FSTL1: variants seen among roughly 807,000 people sequenced by gnomAD.
FSTL1 encodes the protein follistatin-related protein 1.
In FSTL1, 24 loss-of-function variants were observed where a neutral mutation model predicts 45.9. The observed-to-expected ratio is 0.52, with a 90% CI of 0.38 to 0.74. The LOEUF (loss-of-function observed/expected upper bound fraction) is 0.74. Among genes scored for constraint, FSTL1 ranks in the 30% least tolerant of loss-of-function variants. The pLI, the probability that FSTL1 is intolerant of heterozygous loss-of-function variation, is 0.00. For synonymous variants in FSTL1, 120 were observed against 137.6 expected (o/e 0.87, Z 0.89); for missense variants, 340 against 381.8 (o/e 0.89, Z 0.91).
At chr3:120,403,696 G>A (rs960121145) in intron 7 of FSTL1, among the ~76,000 whole-genome samples, 8 of 151,822 alleles carry the variant, frequency 5.3e-5, no homozygotes, top group African/African-American at 9.7e-5. Flanking sequence ...GTATATACAC[G>A]TCAAGTCAAC....
intron 9 of FSTL1, 41 bp from the exon 10 acceptor site, chr3:120,400,000 T>C: frequency 1.4e-6 from 2 of 1,387,806 alleles, no homozygotes; most frequent in Non-Finnish European, 2.0e-6. Context: ...GCAGCTGTGG[T>C]AAGCCAGTGA....
At position 120,394,599 on chromosome 3, in the gene FSTL1, C is replaced by T. The variant is rs1004250126; in HGVS notation, c.*2353G>A. 6.6e-6 allele frequency: 1 copy of T among 152,140 alleles called. No individual in the cohort carries two copies. The highest frequency in any genetic ancestry group is 6.5e-5 in the Admixed American group (1 of 15,274). The allele number at this position is 152,140 out of a possible 1,614,324, so 9.4% of individuals were successfully genotyped here. On this transcript the variant is annotated 3_prime_UTR_variant, in exon 11 of 11. Transcript: ENST00000295633. ...ATCTTAACAGATGCTATAGTGTTTACAAAACTACACACACAGAGAAAGCCC... is the reference window on the plus strand; with the variant it reads ...ATCTTAACAGATGCTATAGTGTTTATAAAACTACACACACAGAGAAAGCCC...
chr3:120,447,567 A>C (rs958525331), intron 2 of FSTL1, among the ~76,000 whole-genome samples: 3 of 152,202 alleles, frequency 2.0e-5, no homozygotes, highest in African/African-American at 7.2e-5. Flanking sequence ...GAGAAGAAGC[A>C]ATCAGAAAGC....
At chr3:120,433,188 G>C (rs1045797509) in intron 2 of FSTL1, among the ~76,000 whole-genome samples, 1 of 152,172 alleles carries the variant, frequency 6.6e-6, no homozygotes, top group African/African-American at 2.4e-5. Context: ...TAAAATTGCT[G>C]ATCATGGAAG....
At chr3:120,412,834 G>GCACACACA (rs1314293203) in intron 3 of FSTL1, among the ~76,000 whole-genome samples, 49 of 77,534 alleles carry the variant, frequency 6.3e-4, no homozygotes, top group East Asian at 1.1e-3. Flanking sequence ...GCGCGCGCGC[G>GCACACACA]CGCGCACACA....
Position 120,396,873 on chromosome 3 carries a change from A to C in FSTL1, c.*79T>G. On this transcript the variant is annotated 3_prime_UTR_variant, in exon 11 of 11. Transcript: ENST00000295633. ...CAAATACTGGTGATTTGGCGACTGT[A>C]GCAGACACTTGTGTATACTGAACTC... 2.1e-6 allele frequency: 2 copies of C among 973,864 alleles called. No homozygotes were observed. Among genetic ancestry groups the C allele is most frequent in the East Asian group, 2.4e-5 (1 of 41,976 alleles). The allele number at this position is 973,864 out of a possible 1,614,324, so 60.3% of individuals were successfully genotyped here. A position where few individuals can be genotyped will look rare whatever the true frequency, so the allele number is the denominator to read the frequency against.
rs1936784828 is a variant in FSTL1 at position 120,399,895 on chromosome 3, G to C, written c.870C>G (p.Leu290=). 2.5e-6 allele frequency: 4 copies of C among 1,605,020 alleles called. No homozygotes were observed. Among genetic ancestry groups the C allele is most frequent in the Non-Finnish European group, 3.4e-6 (4 of 1,174,972 alleles). ...GGCTGCCACTCACCTGATGCTTTTG[G>C]AGCTCCTGGACATATCTGGTCATCT... ...EEEMTRYVQE[L]QKHQETAEKT... The change falls in exon 10 of 11, where the codon CTC becomes CTG. Residue 290 remains leucine (L), a synonymous_variant. Coordinates refer to ENST00000295633, the MANE Select transcript of FSTL1 (RefSeq NM_007085.5).
intron 2 of FSTL1, among the ~76,000 whole-genome samples, chr3:120,427,850 T>C (rs1937408058): frequency 6.6e-6 from 1 of 152,144 alleles, no homozygotes; most frequent in African/African-American, 2.4e-5. Context: ...ATGTGGGGTA[T>C]CTCAGAGCAA....
intron 2 of FSTL1, among the ~76,000 whole-genome samples, chr3:120,444,921 G>C (rs1163071091): frequency 6.7e-6 from 1 of 149,758 alleles, no homozygotes; most frequent in South Asian, 2.1e-4. Flanking sequence ...GGCACATACA[G>C]CTGTTCCATG....
Position 120,395,154 on chromosome 3 carries a change from A to G in FSTL1, c.*1798T>C, listed in dbSNP as rs1936671272. The G allele has an allele frequency of 6.5e-6, 1 of 154,464 alleles. No homozygotes were observed. Among genetic ancestry groups the G allele is most frequent in the Admixed American group, 6.5e-5 (1 of 15,308 alleles). The allele number at this position is 154,464 out of a possible 1,614,324, so 9.6% of individuals were successfully genotyped here. ...AATTTTCTCCTTTCAAATGAGAACA[A>G]GAAAAACTAGAAGGAATTCTATTTT... On this transcript the variant is annotated 3_prime_UTR_variant, in exon 11 of 11. Coordinates refer to ENST00000295633, the MANE Select transcript of FSTL1 (RefSeq NM_007085.5).
At chr3:120,411,769 A>G in intron 4 of FSTL1, 85 bp downstream of exon 4, 1 of 1,213,142 alleles carries the variant, frequency 8.2e-7, no homozygotes, top group Non-Finnish European at 1.2e-6. Context: ...TGGAGGAAAG[A>G]CCATGTGGTC....
chr3:120,441,263 C>T (rs548796424), intron 2 of FSTL1: 8 of 152,342 alleles, frequency 5.3e-5, no homozygotes, highest in African/African-American at 1.9e-4. Context: ...CACCTTCATA[C>T]ATACCTCTTT....
chr3:120,403,940 A>AAAAAAAAAC (rs1936887164), intron 7 of FSTL1, among the ~76,000 whole-genome samples: 1 of 85,604 alleles, frequency 1.2e-5, no homozygotes, highest in African/African-American at 3.7e-5. Context: ...AAAAAAAAAA[A>AAAAAAAAAC]AAAACAAAAA....
intron 2 of FSTL1, among the ~76,000 whole-genome samples, chr3:120,428,402 G>A (rs953224705): frequency 1.3e-5 from 2 of 152,186 alleles, no homozygotes; most frequent in East Asian, 3.8e-4. Context: ...GGATCTGGGA[G>A]ACCCAGCATA....
chr3:120,397,203 T>G (rs1035749997), intron 10 of FSTL1, among the ~76,000 whole-genome samples: 2 of 152,214 alleles, frequency 1.3e-5, no homozygotes, highest in Non-Finnish European at 2.9e-5. Flanking sequence ...GGCTGTTTAC[T>G]GAATTAAGCT....
chr3:120,448,706 G>T (rs1937813264), intron 2 of FSTL1, among the ~76,000 whole-genome samples: 1 of 152,114 alleles, frequency 6.6e-6, no homozygotes, highest in African/African-American at 2.4e-5. Flanking sequence ...GTTTGCCTGG[G>T]AATTATGTGA....
chr3:120,438,567 AAATCACCATAAGAGTT>A (rs1937594646), intron 2 of FSTL1: 1 of 152,230 alleles, frequency 6.6e-6, no homozygotes, highest in African/African-American at 2.4e-5. Flanking sequence ...ACTAGGCTGT[AAATCACCATAAGAGTT>A]AATCAAATAT....
chr3:120,410,507 C>T (rs1035516260), intron 5 of FSTL1: 2 of 310,766 alleles, frequency 6.4e-6, no homozygotes, highest in Non-Finnish European at 1.3e-5. Flanking sequence ...AAAGTATGTG[C>T]AAAAAAGCTC....
chr3:120,437,284 G>A (rs1467651323), intron 2 of FSTL1, among the ~76,000 whole-genome samples: 1 of 152,198 alleles, frequency 6.6e-6, no homozygotes, highest in Non-Finnish European at 1.5e-5. Flanking sequence ...TGGGATTAGG[G>A]AGGGAAAACC....
Sources: allele counts gnomAD v4.1 joint callset (sites outside exome capture counted in the v4.1 genomes callset), GRCh38; gene constraint gnomAD v4.1.1; transcripts MANE v1.5; gene names NCBI Gene and HGNC (gene_info 2026-07-23, HGNC 2026-07-21).